NCALD: variants seen among roughly 807,000 people sequenced by gnomAD.
NCALD encodes neurocalcin delta, also known as neurocalcin-delta.
In NCALD, 10 loss-of-function variants were observed where a neutral mutation model predicts 18.6. The ratio of observed to expected loss-of-function variants is 0.54; its 90% CI spans 0.33 to 0.91. NCALD has a LOEUF of 0.91. Ranked by LOEUF, NCALD falls within the 40% of genes least tolerant of loss-of-function variation. The pLI is 0.03. For missense variants in NCALD, 184 were observed against 247.6 expected, an observed-to-expected ratio of 0.74 and a Z score of 1.72; for synonymous variants, 88 against 87.4, an observed-to-expected ratio of 1.01 and a Z score of -0.04.
intron 2 of NCALD, among the ~76,000 whole-genome samples, chr8:101,716,369 A>G (rs1285482612): frequency 6.6e-6 from 1 of 152,096 alleles, no homozygotes; most frequent in Non-Finnish European, 1.5e-5. Context: ...ACCTAATGTA[A>G]ATGACGGGTT....
intron 1 of NCALD, among the ~76,000 whole-genome samples, chr8:102,075,967 C>A (rs527963532): frequency 0.056 from 8,277 of 147,584 alleles, 349 homozygotes; most frequent in Non-Finnish European, 0.089. Flanking sequence ...AAAAAACAAA[C>A]AAAAAACTGG....
chr8:102,015,032 A>C (rs541346272), intron 2 of NCALD, among the ~76,000 whole-genome samples: 3 of 152,230 alleles, frequency 2.0e-5, no homozygotes, highest in Admixed American at 6.5e-5. Context: ...CTGAAAGTTG[A>C]GGTGATGCTC....
rs1825601469 is a variant in NCALD, at chr8:102,110,312, T to C, written c.-210+13925A>G. Among the ~76,000 whole-genome samples, 16 of 152,278 alleles carry C rather than the reference T, an allele frequency of 1.1e-4. No individual in the cohort carries two copies. The South Asian group carries it at 3.1e-3, about 30-fold the overall frequency. On this transcript the variant is annotated intron_variant, in intron 1 of 6. Transcript: ENST00000311028. ...AAATTAGGAAGAGAAGAAATGCAACTAGTATATAATAATATAAAAAAGAAA... is the reference window on the plus strand; with the variant it reads ...AAATTAGGAAGAGAAGAAATGCAACCAGTATATAATAATATAAAAAAGAAA...
intron 1 of NCALD, among the ~76,000 whole-genome samples, chr8:102,035,774 C>T (rs559072255): frequency 1.6e-4 from 25 of 152,216 alleles, no homozygotes; most frequent in African/African-American, 4.8e-4. Flanking sequence ...AAATTTCATT[C>T]GCAAAAGCCT....
At chr8:101,868,453 C>T (rs1056687004) in intron 4 of NCALD, among the ~76,000 whole-genome samples, 19 of 152,256 alleles carry the variant, frequency 1.2e-4, no homozygotes, top group Non-Finnish European at 1.3e-4. Flanking sequence ...AAAAGGAAAA[C>T]CCCAACTTGT....
chr8:101,904,099 T>A (rs1268538346), intron 3 of NCALD, among the ~76,000 whole-genome samples: 2 of 152,184 alleles, frequency 1.3e-5, no homozygotes, highest in Non-Finnish European at 2.9e-5. Context: ...TTCAGTTCTG[T>A]TTCTGTTATT....
intron 2 of NCALD, among the ~76,000 whole-genome samples, chr8:101,715,852 C>T (rs560251486): frequency 6.6e-6 from 1 of 152,072 alleles, no homozygotes; most frequent in Admixed American, 6.6e-5. Flanking sequence ...AAATAGGAAT[C>T]CTTTTACACT....
At chr8:101,720,284 T>A (rs1816290787) in intron 1 of NCALD, among the ~76,000 whole-genome samples, 1 of 152,222 alleles carries the variant, frequency 6.6e-6, no homozygotes, top group South Asian at 2.1e-4. Flanking sequence ...GTTTTGATAG[T>A]AAAGATGATG....
At chr8:102,062,127 G>A (rs1271257728) in intron 1 of NCALD, among the ~76,000 whole-genome samples, 1 of 152,178 alleles carries the variant, frequency 6.6e-6, no homozygotes, top group African/African-American at 2.4e-5. Flanking sequence ...AAGTTGGCTG[G>A]GCACAGTGGC....
intron 1 of NCALD, among the ~76,000 whole-genome samples, chr8:101,789,792 A>G (rs1425975612): frequency 6.6e-6 from 1 of 152,210 alleles, no homozygotes; most frequent in African/African-American, 2.4e-5. Flanking sequence ...TCAGTACTAC[A>G]GGTATTCTTT....
chr8:102,044,880 G>C (rs1823184412), intron 1 of NCALD, among the ~76,000 whole-genome samples: 2 of 152,132 alleles, frequency 1.3e-5, no homozygotes, highest in Admixed American at 1.3e-4. Flanking sequence ...CAGTAGAACA[G>C]GGATGCTAGC....
chr8:101,989,162 T>C (rs574010598), intron 2 of NCALD, among the ~76,000 whole-genome samples: 11 of 152,242 alleles, frequency 7.2e-5, no homozygotes, highest in Non-Finnish European at 1.5e-4. Flanking sequence ...GTGTGGCAAG[T>C]GATAAAGAGG....
intron 2 of NCALD, among the ~76,000 whole-genome samples, chr8:101,988,937 T>TGAG (rs1258167443): frequency 7.6e-6 from 1 of 131,036 alleles, no homozygotes; most frequent in Non-Finnish European, 1.6e-5. Flanking sequence ...GAGAAGCCAG[T>TGAG]GAGAGGTGAG....
intron 4 of NCALD, among the ~76,000 whole-genome samples, chr8:101,796,578 C>T (rs1449679273): frequency 6.6e-6 from 1 of 151,634 alleles, no homozygotes; most frequent in Non-Finnish European, 1.5e-5. Flanking sequence ...AGAGAACATA[C>T]ACAAAAAAAG....
At chr8:101,772,159 G>T (rs1811610285) in intron 1 of NCALD, among the ~76,000 whole-genome samples, 1 of 152,170 alleles carries the variant, frequency 6.6e-6, no homozygotes, top group Non-Finnish European at 1.5e-5. Flanking sequence ...TGCCAAGAAG[G>T]GTCCCATGGT....
chr8:102,017,972 C>G (rs1822146027), intron 2 of NCALD, among the ~76,000 whole-genome samples: 1 of 151,950 alleles, frequency 6.6e-6, no homozygotes, highest in Non-Finnish European at 1.5e-5. Context: ...ACGCAGATGG[C>G]AAAGTAGGAC....
intron 1 of NCALD, among the ~76,000 whole-genome samples, chr8:102,042,693 G>A (rs1050770704): frequency 6.9e-6 from 1 of 145,792 alleles, no homozygotes; most frequent in Non-Finnish European, 1.5e-5. Context: ...GACTCCTTGG[G>A]GTGAAGAAGG....
At chr8:102,028,465 A>G (rs1822542003) in intron 1 of NCALD, among the ~76,000 whole-genome samples, 1 of 152,248 alleles carries the variant, frequency 6.6e-6, no homozygotes. Flanking sequence ...TAAATGCACT[A>G]GCCACTGAGG....
intron 1 of NCALD, among the ~76,000 whole-genome samples, chr8:102,109,578 T>C (rs948021225): frequency 6.6e-6 from 1 of 152,212 alleles, no homozygotes. Flanking sequence ...TGTCAAACTA[T>C]GTCAAATGGG....
Sources: gnomAD v4.1 joint callset for allele counts (sites outside exome capture counted in the v4.1 genomes callset) on GRCh38, gnomAD v4.1.1 for gene constraint, MANE v1.5 for transcripts, NCBI Gene and HGNC (gene_info 2026-07-23, HGNC 2026-07-21) for gene names.